MEGF10: variants seen among roughly 807,000 people sequenced by gnomAD.
The protein encoded by MEGF10 is multiple epidermal growth factor-like domains protein 10.
Under a neutral mutation model 147.5 loss-of-function variants are expected in MEGF10, and 86 were observed. That is an observed-to-expected ratio of 0.58 (90% CI 0.49 to 0.70). The LOEUF (loss-of-function observed/expected upper bound fraction) is 0.70, where lower values mean the gene tolerates loss of function less well. Among genes scored for constraint, MEGF10 ranks in the 30% least tolerant of loss-of-function variants. MEGF10 has a pLI of 0.00. For missense variants in MEGF10, 1,329 were observed against 1,487.3 expected (o/e 0.89, Z 1.75); for synonymous variants, 478 against 525.5 (o/e 0.91, Z 1.24).
intron 7 of MEGF10, among the ~76,000 whole-genome samples, chr5:127,401,553 C>T (rs1764134577): frequency 6.6e-6 from 1 of 152,172 alleles, no homozygotes; most frequent in South Asian, 2.1e-4. Flanking sequence ...GTTCACTAGC[C>T]TCCAATTTCA....
chr5:127,263,961 G>C, the MEGF10 span, among the ~76,000 whole-genome samples: 1 of 152,124 alleles, frequency 6.6e-6, no homozygotes, highest in Non-Finnish European at 1.5e-5. Flanking sequence ...ACTGTGGGAA[G>C]AGCAACACAA....
upstream of MEGF10, among the ~76,000 whole-genome samples, chr5:127,288,249 CTG>C (rs1759093137): frequency 6.6e-6 from 1 of 151,966 alleles, no homozygotes; most frequent in Admixed American, 6.6e-5. Context: ...GCTTGATAAA[CTG>C]GACTTTATCA....
At chr5:127,382,384 T>C (rs1294738866) in intron 5 of MEGF10, among the ~76,000 whole-genome samples, 1 of 152,230 alleles carries the variant, frequency 6.6e-6, no homozygotes, top group Non-Finnish European at 1.5e-5. Context: ...GTTTTACTAC[T>C]CACTATTTTT....
chr5:127,403,453 C>G (rs1234438121), intron 8 of MEGF10, among the ~76,000 whole-genome samples: 2 of 152,180 alleles, frequency 1.3e-5, no homozygotes, highest in Non-Finnish European at 2.9e-5. Flanking sequence ...TTCAATTACA[C>G]TCTTCAAATT....
At chr5:127,367,938 C>A (rs530778657) in intron 4 of MEGF10, among the ~76,000 whole-genome samples, 9 of 152,324 alleles carry the variant, frequency 5.9e-5, no homozygotes, top group African/African-American at 1.9e-4. Context: ...GCATCCAGAG[C>A]ATACCCTGCA....
intron 8 of MEGF10, among the ~76,000 whole-genome samples, chr5:127,404,921 G>T (rs529383672): frequency 1.3e-5 from 2 of 152,070 alleles, no homozygotes; most frequent in African/African-American, 4.8e-5. Context: ...TCACTGTGTT[G>T]CCCAGGTTGG....
At chr5:127,452,270 C>G (rs1384318226) in intron 22 of MEGF10, among the ~76,000 whole-genome samples, 1 of 152,190 alleles carries the variant, frequency 6.6e-6, no homozygotes, top group African/African-American at 2.4e-5. Flanking sequence ...GGAAGGCTAG[C>G]CACTGCACAG....
chr5:127,435,073 T>C (rs573228485), intron 15 of MEGF10, among the ~76,000 whole-genome samples: 1 of 152,242 alleles, frequency 6.6e-6, no homozygotes, highest in African/African-American at 2.4e-5. Context: ...TGTCCTCCCA[T>C]AAAAAATCAA....
chr5:127,348,156 A>G (rs367785644), intron 4 of MEGF10, among the ~76,000 whole-genome samples: 27 of 152,126 alleles, frequency 1.8e-4, no homozygotes, highest in East Asian at 1.2e-3. Context: ...TATCACGAAT[A>G]TCAAACTGAC....
the MEGF10 span, among the ~76,000 whole-genome samples, chr5:127,270,497 T>C: frequency 6.6e-6 from 1 of 152,182 alleles, no homozygotes. Flanking sequence ...GACCATTACA[T>C]AGTGGTAAAG....
chr5:127,408,331 T>C (rs966930518), intron 8 of MEGF10, among the ~76,000 whole-genome samples: 7 of 152,234 alleles, frequency 4.6e-5, no homozygotes, highest in African/African-American at 1.7e-4. Context: ...ATTATTTATC[T>C]TTACCTTTTT....
the MEGF10 span, among the ~76,000 whole-genome samples, chr5:127,257,657 G>A: frequency 8.5e-5 from 13 of 152,114 alleles, no homozygotes; most frequent in African/African-American, 3.1e-4. Flanking sequence ...CCAAGGTTAG[G>A]GACATGCCTG....
chr5:127,247,197 AC>A, the MEGF10 span, among the ~76,000 whole-genome samples: 6 of 145,694 alleles, frequency 4.1e-5, no homozygotes, highest in East Asian at 1.2e-3. Context: ...TTTAGACAAA[AC>A]AAATTTTAAA....
At chr5:127,330,587 A>C (rs533022459) in intron 1 of MEGF10, among the ~76,000 whole-genome samples, 3 of 152,290 alleles carry the variant, frequency 2.0e-5, no homozygotes, top group African/African-American at 7.2e-5. Context: ...ACCTGCAAAC[A>C]GCTTTACATT....
At position 127,445,450 on chromosome 5, in the gene MEGF10, T is replaced by C. The variant is rs576993642; in HGVS notation, c.2492-7T>C. ...CATCCTTTCTCAAGTCTCTCTTCTT[T>C]TTCTAGCTGGTGTTATCATAGTTGG... On this transcript the variant is annotated splice_polypyrimidine_tract_variant and splice_region_variant and intron_variant, in intron 19 of 24. Transcript: ENST00000503335. The C allele has an allele frequency of 1.2e-6, 2 of 1,607,166 alleles. No homozygotes were observed. The highest frequency in any genetic ancestry group is 3.3e-5 in the Admixed American group (2 of 59,982).
the MEGF10 span, among the ~76,000 whole-genome samples, chr5:127,270,895 T>G: frequency 1.3e-5 from 2 of 152,280 alleles, no homozygotes; most frequent in Non-Finnish European, 2.9e-5. Flanking sequence ...GCAAAGGACA[T>G]GATCGCATTT....
chr5:127,339,959 C>T (rs573153217), intron 3 of MEGF10, among the ~76,000 whole-genome samples: 1 of 152,272 alleles, frequency 6.6e-6, no homozygotes, highest in South Asian at 2.1e-4. Flanking sequence ...TTGTTTAATG[C>T]ATGTCCTTAC....
At chr5:127,403,728 C>T (rs1031943183) in intron 8 of MEGF10, among the ~76,000 whole-genome samples, 4 of 152,170 alleles carry the variant, frequency 2.6e-5, no homozygotes, top group Non-Finnish European at 5.9e-5. Flanking sequence ...TTTCATTTAA[C>T]ATAATGATCT....
At chr5:127,298,503 C>G (rs1221649179) in intron 1 of MEGF10, among the ~76,000 whole-genome samples, 1 of 152,134 alleles carries the variant, frequency 6.6e-6, no homozygotes, top group Non-Finnish European at 1.5e-5. Flanking sequence ...TTCAGAGGCA[C>G]GAGAATCACC....
Sources: allele counts gnomAD v4.1 joint callset (sites outside exome capture counted in the v4.1 genomes callset), GRCh38; gene constraint gnomAD v4.1.1; transcripts MANE v1.5; gene names NCBI Gene and HGNC (gene_info 2026-07-23, HGNC 2026-07-21).